EIF5B: variants seen among roughly 807,000 people sequenced by gnomAD.
EIF5B encodes the protein eukaryotic translation initiation factor 5B, also known as eIF-5B.
A neutral mutation model predicts 147.5 loss-of-function variants in EIF5B; 47 were observed. The observed-to-expected ratio is 0.32, with a 90% CI of 0.25 to 0.41. The LOEUF (loss-of-function observed/expected upper bound fraction) is 0.41, where lower values mean the gene tolerates loss of function less well. EIF5B is among the 10% of genes least tolerant of loss of function. The pLI, the probability that EIF5B is intolerant of heterozygous loss-of-function variation, is 1.00. For synonymous variants in EIF5B, 455 were observed against 456.2 expected (o/e 1.00, Z 0.03); for missense variants, 1,064 against 1,413.2 (o/e 0.75, Z 3.96).
intron 18 of EIF5B, among the ~76,000 whole-genome samples, chr2:99,393,502 T>TA (rs932526393): frequency 4.6e-4 from 65 of 140,406 alleles, no homozygotes; most frequent in African/African-American, 8.6e-4. Flanking sequence ...GGACCCTGTC[T>TA]AAAAAAAAAA....
intron 9 of EIF5B, among the ~76,000 whole-genome samples, chr2:99,375,743 C>T (rs1020807791): frequency 3.3e-5 from 5 of 152,192 alleles, no homozygotes; most frequent in Admixed American, 3.3e-4. Context: ...AGCATATAGA[C>T]AAACACCTTG....
rs571700410 is a variant in EIF5B at position 99,337,418 on chromosome 2, G to A, written c.-137G>A. The A allele has an allele frequency of 9.3e-7, 1 of 1,070,878 alleles. No homozygotes were observed. The highest frequency in any genetic ancestry group is 1.4e-6 in the Non-Finnish European group (1 of 711,126). The allele number at this position is 1,070,878 out of a possible 1,614,324, so 66.3% of individuals were successfully genotyped here. A position where few individuals can be genotyped will look rare whatever the true frequency, so the allele number is the denominator to read the frequency against. On this transcript the variant is annotated 5_prime_UTR_variant, in exon 1 of 24. Coordinates refer to ENST00000289371, the MANE Select transcript of EIF5B (RefSeq NM_015904.4). Reference sequence around the variant, plus strand: ...CATATGTGTCCTGTTCCAGTGCGCGGGTCTGTGGAGAGCCGGGTGCGAGCG... The same window carrying A: ...CATATGTGTCCTGTTCCAGTGCGCGAGTCTGTGGAGAGCCGGGTGCGAGCG...
intron 14 of EIF5B, among the ~76,000 whole-genome samples, chr2:99,383,326 T>A (rs1018734139): frequency 3.9e-5 from 6 of 152,212 alleles, no homozygotes; most frequent in Non-Finnish European, 7.4e-5. Flanking sequence ...ACTTAGTCAA[T>A]ACATGTTGTG....
At chr2:99,343,077 C>T (rs2094264072) in intron 1 of EIF5B, among the ~76,000 whole-genome samples, 1 of 151,748 alleles carries the variant, frequency 6.6e-6, no homozygotes, top group Non-Finnish European at 1.5e-5. Flanking sequence ...TCTCATGCCT[C>T]AGCCTCCCAA....
chr2:99,337,733 G>C, intron 1 of EIF5B, 144 bp downstream of exon 1: 2 of 1,120,300 alleles, frequency 1.8e-6, no homozygotes, highest in Non-Finnish European at 2.4e-6. Context: ...TGTGCGGAGC[G>C]GGCCCAAGCC....
intron 1 of EIF5B, among the ~76,000 whole-genome samples, chr2:99,347,636 C>G (rs2094276106): frequency 6.6e-6 from 1 of 151,836 alleles, no homozygotes; most frequent in Non-Finnish European, 1.5e-5. Context: ...TGTATTGCCT[C>G]TTACAATGGA....
At chr2:99,396,462 T>C (rs1675049726) in intron 21 of EIF5B, among the ~76,000 whole-genome samples, 1 of 152,148 alleles carries the variant, frequency 6.6e-6, no homozygotes, top group Non-Finnish European at 1.5e-5. Flanking sequence ...AAGCTCAGTG[T>C]TTTAGACTAG....
chr2:99,363,302 G>A (rs1216772234), intron 4 of EIF5B, among the ~76,000 whole-genome samples: 2 of 152,138 alleles, frequency 1.3e-5, no homozygotes, highest in Non-Finnish European at 2.9e-5. Context: ...CTTCATATAA[G>A]CATCTGTTGG....
chr2:99,381,552 T>TGA (rs1674690508), intron 12 of EIF5B, among the ~76,000 whole-genome samples: 2 of 151,382 alleles, frequency 1.3e-5, no homozygotes, highest in East Asian at 1.9e-4. Flanking sequence ...TGTGTGTGTG[T>TGA]GAAATTAGTT....
intron 12 of EIF5B, 71 bp downstream of exon 12, chr2:99,379,499 A>G: frequency 8.4e-7 from 1 of 1,190,676 alleles, no homozygotes; most frequent in South Asian, 1.4e-5. Context: ...CAAACATAGA[A>G]AAAGGACAGA....
At chr2:99,362,432 C>T (rs920009119) in intron 4 of EIF5B, among the ~76,000 whole-genome samples, 12 of 152,092 alleles carry the variant, frequency 7.9e-5, no homozygotes, top group African/African-American at 2.4e-4. Context: ...GGGCTGGGCG[C>T]GGTGGTTCAC....
Position 99,401,096 on chromosome 2 carries a change from T to C in EIF5B, c.*1682T>C. On this transcript the variant is annotated 3_prime_UTR_variant, in exon 24 of 24. Coordinates refer to ENST00000289371, the MANE Select transcript of EIF5B (RefSeq NM_015904.4). ...CATGCAATACTGACAAATTTGGCAC[T>C]TTTTGAAAAGAAATGTACAAAACAC... The C allele has an allele frequency of 2.0e-6, 1 of 500,218 alleles. No homozygotes were observed. Among genetic ancestry groups the C allele is most frequent in the Non-Finnish European group, 3.6e-6 (1 of 281,620 alleles). 31.0% of individuals were successfully genotyped at this position (500,218 alleles called of 1,614,324 possible). A position where few individuals can be genotyped will look rare whatever the true frequency, so the allele number is the denominator to read the frequency against.
At chr2:99,381,944 AT>A (rs1674697976) in intron 12 of EIF5B, among the ~76,000 whole-genome samples, 1 of 152,064 alleles carries the variant, frequency 6.6e-6, no homozygotes, top group Non-Finnish European at 1.5e-5. Flanking sequence ...GAAAGGAGAT[AT>A]TTTCTCATTT....
intron 1 of EIF5B, among the ~76,000 whole-genome samples, chr2:99,350,002 C>CAAA (rs1437326397): frequency 1.3e-5 from 2 of 152,130 alleles, no homozygotes; most frequent in Non-Finnish European, 2.9e-5. Flanking sequence ...TTTATGAAAT[C>CAAA]AACTTTTTTT....
Position 99,356,947 on chromosome 2 carries a change from T to C in EIF5B, c.36-3289T>C, listed in dbSNP as rs564906440. Reference sequence around the variant, plus strand: ...TGCCCACATTTTAATTGGGTTGTTATTGTTGAGTTTTAAGAGTTCTCTGTG... The same window carrying C: ...TGCCCACATTTTAATTGGGTTGTTACTGTTGAGTTTTAAGAGTTCTCTGTG... On this transcript the variant is annotated intron_variant, in intron 1 of 23. Transcript: ENST00000289371. Among the ~76,000 whole-genome samples, 24 of 152,332 alleles carry C rather than the reference T, an allele frequency of 1.6e-4. No individual in the cohort carries two copies. In the South Asian group the frequency reaches 4.6e-3, roughly 29 times the overall value.
In EIF5B at chr2:99,390,373, G is replaced by T; in HGVS notation, c.2558G>T (p.Cys853Phe). 1 of 1,613,370 alleles carries T rather than the reference G, an allele frequency of 6.2e-7. No individual in the cohort carries two copies. The highest frequency in any genetic ancestry group is 8.5e-7 in the Non-Finnish European group (1 of 1,179,952). The part of the protein sequence containing the change: ...QTMLSKRLAH[C>F]EELRAQVMEV... Reference sequence around the variant, plus strand: ...ATGTTGAGCAAGAGACTTGCACACTGTGAAGAGCTGAGAGCACAGGTGATG... The same window carrying T: ...ATGTTGAGCAAGAGACTTGCACACTTTGAAGAGCTGAGAGCACAGGTGATG... The change falls in exon 16 of 24, where the codon TGT becomes TTT. Residue 853 changes from cysteine to phenylalanine, a missense_variant. Around this residue, in one of 4 missense-constraint regions of EIF5B, gnomAD observed 380 missense variants for 715.6 expected, o/e 0.53. Coordinates refer to ENST00000289371, the MANE Select transcript of EIF5B (RefSeq NM_015904.4).
intron 14 of EIF5B, among the ~76,000 whole-genome samples, chr2:99,384,608 A>C (rs1674761697): frequency 6.6e-6 from 1 of 152,244 alleles, no homozygotes; most frequent in South Asian, 2.1e-4. Context: ...GGATGTTATG[A>C]AGAACGTTCA....
chr2:99,355,015 G>T (rs935715851), intron 1 of EIF5B, among the ~76,000 whole-genome samples: 1 of 151,950 alleles, frequency 6.6e-6, no homozygotes, highest in African/African-American at 2.4e-5. Flanking sequence ...TGTTGGCCAG[G>T]CCAGTCTTGA....
In EIF5B at chr2:99,389,711, T is replaced by G; in HGVS notation, c.2272-7T>G. 6.3e-7 allele frequency: 1 copy of G among 1,582,366 alleles called. No individual in the cohort carries two copies. Among genetic ancestry groups the G allele is most frequent in the Non-Finnish European group, 8.5e-7 (1 of 1,171,756 alleles). ...TAGAGATCTTTCTCATGAAAAAACT[T>G]TTTCAGATTGATAGGTTATATGATT... On this transcript the variant is annotated splice_polypyrimidine_tract_variant and splice_region_variant and intron_variant, in intron 14 of 23. Coordinates refer to ENST00000289371, the MANE Select transcript of EIF5B (RefSeq NM_015904.4).
Sources: gnomAD v4.1 joint callset for allele counts (sites outside exome capture counted in the v4.1 genomes callset) on GRCh38, gnomAD v4.1.1 for gene constraint, gnomAD v4.1.1 regional missense constraint, MANE v1.5 for transcripts, NCBI Gene and HGNC (gene_info 2026-07-23, HGNC 2026-07-21) for gene names.